FXYD6: variants seen among roughly 807,000 people sequenced by gnomAD.
The protein encoded by FXYD6 is FXYD domain-containing ion transport regulator 6.
In FXYD6, 7 loss-of-function variants were observed where a neutral mutation model predicts 16.7. That is an observed-to-expected ratio of 0.42 (90% CI 0.24 to 0.79). The LOEUF is 0.79. Ranked by LOEUF, FXYD6 falls within the 30% of genes least tolerant of loss-of-function variation. The probability of loss-of-function intolerance (pLI) is 0.28; values close to 1 mark genes in which losing one functional copy is unlikely to be tolerated. For missense variants in FXYD6, 111 were observed against 116.2 expected (o/e 0.95, Z 0.21); for synonymous variants, 49 against 43.0 (o/e 1.14, Z -0.54).
At chr11:117,855,974 C>T (rs1363256733) in intron 1 of FXYD6, among the ~76,000 whole-genome samples, 4 of 152,156 alleles carry the variant, frequency 2.6e-5, no homozygotes, top group Non-Finnish European at 4.4e-5. Flanking sequence ...ATTATGAGAA[C>T]GAATTCTGTT....
intron 1 of FXYD6, among the ~76,000 whole-genome samples, chr11:117,865,747 G>A (rs934635578): frequency 1.3e-5 from 2 of 152,116 alleles, no homozygotes; most frequent in African/African-American, 2.4e-5. Context: ...CCAACACGGC[G>A]AAACTCCATC....
intron 1 of FXYD6, among the ~76,000 whole-genome samples, chr11:117,875,378 G>T (rs567649354): frequency 6.6e-6 from 1 of 152,026 alleles, no homozygotes; most frequent in Non-Finnish European, 1.5e-5. Context: ...AGATATCTAG[G>T]TCTCCTAGCC....
intron 1 of FXYD6, among the ~76,000 whole-genome samples, chr11:117,847,875 T>C (rs934894100): frequency 6.6e-6 from 1 of 152,238 alleles, no homozygotes; most frequent in African/African-American, 2.4e-5. Context: ...TTTGGGTATA[T>C]ACCCAGTAAT....
chr11:117,841,849 C>A lies in FXYD6; in HGVS notation c.114G>T (p.Arg38Ser), dbSNP rs1280938651. 6.2e-7 allele frequency: 1 copy of A among 1,613,982 alleles called. No homozygotes were observed. The highest frequency in any genetic ancestry group is 8.5e-7 in the Non-Finnish European group (1 of 1,180,006). ...DPFHYDYQTL[R>S]IGGLVFAVVL... ...CCACAGCGAACACCAGTCCCCCAATCCTCAGGGTCTGGTAATCTGCCAAAG... is the reference window on the plus strand; with the variant it reads ...CCACAGCGAACACCAGTCCCCCAATACTCAGGGTCTGGTAATCTGCCAAAG... The change falls in exon 4 of 8, where the codon AGG (arginine) becomes AGT (serine). Residue 38 changes from arginine (R) to serine (S), a missense_variant. Arg to Ser is a moderately radical substitution (Grantham distance 110). Transcript: ENST00000526014.
intron 1 of FXYD6, among the ~76,000 whole-genome samples, chr11:117,867,005 A>T (rs1318385372): frequency 2.6e-5 from 4 of 152,228 alleles, no homozygotes; most frequent in Non-Finnish European, 4.4e-5. Context: ...ATGTCACGGC[A>T]TCACTACAAG....
intron 1 of FXYD6, among the ~76,000 whole-genome samples, chr11:117,867,551 C>T (rs1324625385): frequency 6.6e-6 from 1 of 152,164 alleles, no homozygotes; most frequent in Non-Finnish European, 1.5e-5. Flanking sequence ...TGAATACCTC[C>T]CTCCCAAACT....
intron 1 of FXYD6, among the ~76,000 whole-genome samples, chr11:117,867,547 CCT>C (rs1287799167): frequency 1.3e-5 from 2 of 152,094 alleles, no homozygotes; most frequent in East Asian, 1.9e-4. Context: ...ATTCTGAATA[CCT>C]CCCTCCCAAA....
rs1291521103 is a variant in FXYD6 at position 117,870,576 on chromosome 11, G to A, written c.-6+6016C>T. Among the ~76,000 whole-genome samples, 5 of 152,190 alleles carry A rather than the reference G, an allele frequency of 3.3e-5. No homozygotes were observed. The highest frequency in any genetic ancestry group is 7.3e-5 in the Non-Finnish European group (5 of 68,040). ...CTACCTCTTTAGAAGGACAGCTCTG[G>A]CCTGCATGTTTCAGCCTACAGGGCA... On this transcript the variant is annotated intron_variant, in intron 1 of 7. Transcript: ENST00000526014. The surrounding 1 kb of genome is among the most constrained non-coding windows in gnomAD (Gnocchi z 4.2).
At chr11:117,858,508 C>T (rs995653839) in intron 1 of FXYD6, among the ~76,000 whole-genome samples, 1 of 152,064 alleles carries the variant, frequency 6.6e-6, no homozygotes, top group African/African-American at 2.4e-5. Flanking sequence ...CAGCCTCACA[C>T]CCCCAACTTT....
At chr11:117,856,235 T>C (rs941649678) in intron 1 of FXYD6, among the ~76,000 whole-genome samples, 7 of 152,222 alleles carry the variant, frequency 4.6e-5, no homozygotes, top group Admixed American at 1.3e-4. Context: ...TAGTTGATGA[T>C]ATAGCAACAT....
At chr11:117,863,593 G>C (rs2056953614) in intron 1 of FXYD6, among the ~76,000 whole-genome samples, 1 of 151,900 alleles carries the variant, frequency 6.6e-6, no homozygotes, top group East Asian at 1.9e-4. Flanking sequence ...GTTTAACACA[G>C]TATTGGAAGT....
At chr11:117,868,914 T>A (rs1028436547) in intron 1 of FXYD6, 1 of 152,214 alleles carries the variant, frequency 6.6e-6, no homozygotes, top group Non-Finnish European at 1.5e-5. Context: ...CGGCATTTGA[T>A]GAATCTGTAA....
At chr11:117,858,667 CTT>C (rs1300616532) in intron 1 of FXYD6, among the ~76,000 whole-genome samples, 14 of 83,256 alleles carry the variant, frequency 1.7e-4, no homozygotes, top group African/African-American at 7.6e-4. Context: ...TTCTTTCTTT[CTT>C]TCTTTCTTTC....
chr11:117,866,980 A>G (rs1467881825), intron 1 of FXYD6, among the ~76,000 whole-genome samples: 1 of 152,216 alleles, frequency 6.6e-6, no homozygotes, highest in African/African-American at 2.4e-5. Context: ...ATTCTTCCCA[A>G]GGAGAGACGT....
At chr11:117,846,262 C>T (rs1171698459) in intron 1 of FXYD6, among the ~76,000 whole-genome samples, 3 of 152,156 alleles carry the variant, frequency 2.0e-5, no homozygotes, top group Admixed American at 6.5e-5. Flanking sequence ...TGCCCGTTTT[C>T]CAAGTGAGTT....
intron 1 of FXYD6, among the ~76,000 whole-genome samples, chr11:117,865,688 G>A (rs2056998031): frequency 6.6e-6 from 1 of 152,150 alleles, no homozygotes; most frequent in African/African-American, 2.4e-5. Flanking sequence ...CACTTTGGGA[G>A]ACCAAAGCGG....
chr11:117,843,762 C>A (rs1171540796), intron 1 of FXYD6: 1 of 152,238 alleles, frequency 6.6e-6, no homozygotes. Flanking sequence ...GTTCCACGAG[C>A]CTCAGCACCC....
chr11:117,871,710 T>G (rs1009405404), intron 1 of FXYD6, among the ~76,000 whole-genome samples: 2 of 152,188 alleles, frequency 1.3e-5, no homozygotes, highest in African/African-American at 4.8e-5. Context: ...GCAGCTGATA[T>G]CTCCTGAGTG....
intron 1 of FXYD6, among the ~76,000 whole-genome samples, chr11:117,866,257 G>A (rs560202705): frequency 6.6e-6 from 1 of 152,086 alleles, no homozygotes; most frequent in East Asian, 1.9e-4. Flanking sequence ...TACTTACCTC[G>A]CTGCTGAAAT....
Sources: gnomAD v4.1 joint callset for allele counts (sites outside exome capture counted in the v4.1 genomes callset) on GRCh38, gnomAD v4.1.1 for gene constraint, Gnocchi (gnomAD v3.1) non-coding constraint, MANE v1.5 for transcripts, NCBI Gene and HGNC (gene_info 2026-07-23, HGNC 2026-07-21) for gene names.